The following FBXL18 variants were observed in gnomAD, a reference collection of about 807,000 sequenced individuals.
FBXL18 encodes the protein F-box/LRR-repeat protein 18.
In FBXL18, 36 loss-of-function variants were observed where a neutral mutation model predicts 46.0. The ratio of observed to expected loss-of-function variants is 0.78; its 90% CI spans 0.60 to 1.03. The LOEUF (loss-of-function observed/expected upper bound fraction) is 1.03, where lower values mean the gene tolerates loss of function less well. Among genes scored for constraint, FBXL18 ranks in the 50% least tolerant of loss-of-function variants. The pLI is 0.00. For missense variants in FBXL18, 977 were observed against 1,004.1 expected (o/e 0.97, Z 0.36); for synonymous variants, 557 against 465.3 (o/e 1.20, Z -2.54).
At chr7:5,463,702 ATATTTATT>A (rs1349633532) in intron 4 of FBXL18, among the ~76,000 whole-genome samples, 80 of 68,926 alleles carry the variant, frequency 1.2e-3, no homozygotes, top group South Asian at 3.1e-3. Flanking sequence ...AACTATATAT[ATATTTATT>A]TATTTATTTA....
rs1480948561 is a variant in FBXL18 at position 5,501,125 on chromosome 7, A to T, written c.1144T>A (p.Cys382Ser). ...AGGTTCAGGTGGCGCAGGTTGCAGC[A>T]GGACGCCACCAGAGTCTCCAGGATG... ...SSILETLVAS[C>S]CNLRHLNLSA... Residue 382 changes from cysteine to serine, a missense_variant, in exon 3 of 5, where the codon TGC becomes AGC. Coordinates refer to ENST00000382368, the MANE Select transcript of FBXL18 (RefSeq NM_024963.6). 1 of 1,612,828 alleles carries T rather than the reference A, an allele frequency of 6.2e-7. No homozygotes were observed. The highest frequency in any genetic ancestry group is 1.1e-5 in the South Asian group (1 of 91,064).
At chr7:5,506,814 T>C (rs960674652) in intron 1 of FBXL18, among the ~76,000 whole-genome samples, 10 of 152,292 alleles carry the variant, frequency 6.6e-5, no homozygotes, top group African/African-American at 2.2e-4. Flanking sequence ...TCCACAACGC[T>C]AGCCTTTCAG....
At chr7:5,461,811 G>T (rs1783250223) in intron 4 of FBXL18, among the ~76,000 whole-genome samples, 1 of 152,026 alleles carries the variant, frequency 6.6e-6, no homozygotes, top group Non-Finnish European at 1.5e-5. Context: ...CATGATGGCG[G>T]GCGCCTGTAG....
At chr7:5,462,411 C>T (rs932850957) in intron 4 of FBXL18, among the ~76,000 whole-genome samples, 11 of 152,190 alleles carry the variant, frequency 7.2e-5, no homozygotes, top group East Asian at 1.9e-4. Flanking sequence ...GAATTCATCT[C>T]CTGTTGGCAC....
Position 5,500,826 on chromosome 7 carries a change from G to A in FBXL18, c.1443C>T (p.Asn481=). 2 of 1,612,298 alleles carry A rather than the reference G, an allele frequency of 1.2e-6. No homozygotes were observed. Among genetic ancestry groups the A allele is most frequent in the East Asian group, 2.2e-5 (1 of 44,868 alleles). The change falls in exon 3 of 5, where the codon AAC becomes AAT. Residue 481 remains asparagine, a synonymous_variant. Coordinates refer to ENST00000382368, the MANE Select transcript of FBXL18 (RefSeq NM_024963.6). ...PSSVFWSLLK[N]LPFLEHLELI... is the part of the protein sequence containing the mutation. ...GCTCGAGGTGTTCCAGGAAGGGCAG[G>A]TTCTTCAGCAGAGACCAGAACACGG...
chr7:5,495,387 C>T (rs995475065), intron 3 of FBXL18, among the ~76,000 whole-genome samples: 1 of 152,218 alleles, frequency 6.6e-6, no homozygotes, highest in Non-Finnish European at 1.5e-5. Context: ...CTCACAGCAG[C>T]CCGGGTGACT....
At chr7:5,458,393 C>T (rs1036196913) in intron 4 of FBXL18, among the ~76,000 whole-genome samples, 1 of 152,110 alleles carries the variant, frequency 6.6e-6, no homozygotes, top group Admixed American at 6.6e-5. Context: ...GGTGAAACCC[C>T]GTCTCTACTA....
chr7:5,488,896 G>C (rs889702962), intron 4 of FBXL18, among the ~76,000 whole-genome samples: 2 of 152,148 alleles, frequency 1.3e-5, no homozygotes, highest in Non-Finnish European at 2.9e-5. Context: ...AAGCCCACTC[G>C]ACTAAGCCCT....
rs754146651 is a variant in FBXL18 at position 5,488,709 on chromosome 7, G to A, written c.2000+2522C>T. On this transcript the variant is annotated intron_variant, in intron 4 of 4. Coordinates refer to ENST00000382368, the MANE Select transcript of FBXL18 (RefSeq NM_024963.6). ...GAGGGCCTGTGAGTGGAGCCCAGCC[G>A]CAAGCGCAAGCGTATGGGGGGCGAA... Among the ~76,000 whole-genome samples, 7 of 152,206 alleles carry A rather than the reference G, an allele frequency of 4.6e-5. No homozygotes were observed. The South Asian group carries it at 6.2e-4, about 13-fold the overall frequency.
In FBXL18 at chr7:5,500,742, C is replaced by G; in HGVS notation, c.1527G>C (p.Ser509=). 6.2e-7 allele frequency: 1 copy of G among 1,612,360 alleles called. No homozygotes were observed. The highest frequency in any genetic ancestry group is 1.7e-4 in the Middle Eastern group (1 of 6,060). ...MPRNEPAIRN[S]LPPCSRAQSV... is the part of the protein sequence containing the mutation. ...TCTGTGCGCGGCTGCAGGGTGGGAG[C>G]GAGTTGCGGATGGCGGGCTCGTTGC... is the stretch of plus-strand genomic sequence containing the variant. The change falls in exon 3 of 5, where the codon TCG becomes TCC. Residue 509 remains serine (S), a synonymous_variant. Transcript: ENST00000382368.
At chr7:5,503,606 T>G (rs991785805) in intron 2 of FBXL18, among the ~76,000 whole-genome samples, 1 of 151,874 alleles carries the variant, frequency 6.6e-6, no homozygotes, top group Non-Finnish European at 1.5e-5. Context: ...GTGATCCACC[T>G]GCCTCAGCCT....
rs1055440314 is a variant in FBXL18, at chr7:5,476,023, C to G, written c.*5752G>C. On this transcript the variant is annotated 3_prime_UTR_variant, in exon 5 of 5. Coordinates refer to ENST00000382368, the MANE Select transcript of FBXL18 (RefSeq NM_024963.6). ...TTTAGCACCTGGTCATGAGATACGG[C>G]GAGACCCCCAGGTCCAGGGAAAGGT... 1 of 152,166 alleles carries G rather than the reference C, an allele frequency of 6.6e-6. No individual in the cohort carries two copies. The highest frequency in any genetic ancestry group is 2.4e-5 in the African/African-American group (1 of 41,412). The allele number at this position is 152,166 out of a possible 1,614,324, so 9.4% of individuals were successfully genotyped here.
rs965569364 is a variant in FBXL18 at position 5,501,871 on chromosome 7, G to C, written c.398C>G (p.Ser133Cys). Residue 133 changes from serine (S) to cysteine (C), a missense_variant, in exon 3 of 5, where the codon TCC becomes TGC. Coordinates refer to ENST00000382368, the MANE Select transcript of FBXL18 (RefSeq NM_024963.6). The part of the protein sequence containing the change: ...KVNLSGCHLT[S>C]LRLSKMLSAL... Reference sequence around the variant, plus strand: ...CGAGAGCATCTTGGAGAGGCGCAGGGAAGTGAGGTGGCAGCCCGAGAGGTT... The same window carrying C: ...CGAGAGCATCTTGGAGAGGCGCAGGCAAGTGAGGTGGCAGCCCGAGAGGTT... The C allele has an allele frequency of 1.9e-6, 3 of 1,602,906 alleles. No individual in the cohort carries two copies. Among genetic ancestry groups the C allele is most frequent in the Admixed American group, 1.7e-5 (1 of 58,068 alleles).
In FBXL18 at chr7:5,511,241, C is replaced by A. The variant is rs545322339; in HGVS notation, c.18+2416G>T. Among the ~76,000 whole-genome samples, 7 of 151,564 alleles carry A rather than the reference C, an allele frequency of 4.6e-5. No individual in the cohort carries two copies. In the East Asian group the frequency reaches 1.4e-3, roughly 30 times the overall value. On this transcript the variant is annotated intron_variant, in intron 1 of 4. Coordinates refer to ENST00000382368, the MANE Select transcript of FBXL18 (RefSeq NM_024963.6). ...TATGAAGTCAGGAGATCGAGACCATCCTGGCTAACACGGTGAAACCCCGTC... is the reference window on the plus strand; with the variant it reads ...TATGAAGTCAGGAGATCGAGACCATACTGGCTAACACGGTGAAACCCCGTC...
At position 5,480,519 on chromosome 7, in the gene FBXL18, G is replaced by A. The variant is rs1481450570; in HGVS notation, c.*1256C>T. 1 of 143,112 alleles carries A rather than the reference G, an allele frequency of 7.0e-6. No individual in the cohort carries two copies. The highest frequency in any genetic ancestry group is 2.7e-5 in the African/African-American group (1 of 37,482). The allele number at this position is 143,112 out of a possible 1,614,324, so 8.9% of individuals were successfully genotyped here. A position where few individuals can be genotyped will look rare whatever the true frequency, so the allele number is the denominator to read the frequency against. On this transcript the variant is annotated 3_prime_UTR_variant, in exon 5 of 5. Transcript: ENST00000382368. ...CCTGGGCTCAAGTGATCCTCCCAAA[G>A]TGTGTTGAATATATATATATATATA...
intron 4 of FBXL18, chr7:5,489,557 T>C: frequency 3.4e-6 from 1 of 295,782 alleles, no homozygotes; most frequent in Non-Finnish European, 6.6e-6. Flanking sequence ...GATCATGAGG[T>C]CAGGAGATCG....
At chr7:5,508,864 G>T (rs1476355906) in intron 1 of FBXL18, among the ~76,000 whole-genome samples, 2 of 152,096 alleles carry the variant, frequency 1.3e-5, no homozygotes, top group East Asian at 3.9e-4. Context: ...TGGTAAGAAT[G>T]AGAACTTAGG....
At chr7:5,490,873 C>T (rs1428325239) in intron 4 of FBXL18, among the ~76,000 whole-genome samples, 1 of 152,192 alleles carries the variant, frequency 6.6e-6, no homozygotes, top group Non-Finnish European at 1.5e-5. Context: ...GCAGGAGAAT[C>T]GCTTGAACCC....
downstream of FBXL18, among the ~76,000 whole-genome samples, chr7:5,472,473 C>CTAGCCTA (rs1783442768): frequency 6.6e-6 from 1 of 152,162 alleles, no homozygotes; most frequent in Non-Finnish European, 1.5e-5. Flanking sequence ...AGCTGCCACG[C>CTAGCCTA]TGTGAGGAAG....
Sources: allele counts gnomAD v4.1 joint callset (sites outside exome capture counted in the v4.1 genomes callset), GRCh38; gene constraint gnomAD v4.1.1; transcripts MANE v1.5; gene names NCBI Gene and HGNC (gene_info 2026-07-23, HGNC 2026-07-21).